Variants in PCDHGA9 observed in about 807,000 individuals in gnomAD.
PCDHGA9 encodes protocadherin gamma subfamily A, 9.
A neutral mutation model predicts 62.5 loss-of-function variants in PCDHGA9; 37 were observed. The observed-to-expected ratio is 0.59, with a 90% CI of 0.46 to 0.78. The LOEUF (loss-of-function observed/expected upper bound fraction) is 0.78, where lower values mean the gene tolerates loss of function less well. Ranked by LOEUF, PCDHGA9 falls within the 30% of genes least tolerant of loss-of-function variation. The pLI is 0.00. For missense variants in PCDHGA9, 1,138 were observed against 1,166.2 expected, an observed-to-expected ratio of 0.98 and a Z score of 0.35; for synonymous variants, 459 against 484.6, an observed-to-expected ratio of 0.95 and a Z score of 0.69.
At chr5:141,414,497 A>C (rs757597548) in intron 1 of PCDHGA9, 4 of 1,613,922 alleles carry the variant, frequency 2.5e-6, no homozygotes, top group Non-Finnish European at 3.4e-6. Context: ...ACGGAAGCTC[A>C]CTTTATGCTA....
chr5:141,424,232 C>A (rs182055138), intron 1 of PCDHGA9: 1 of 158,642 alleles, frequency 6.3e-6, no homozygotes, highest in East Asian at 1.9e-4. Context: ...TATTTTGATT[C>A]TTGGTGGCTG....
chr5:141,422,205 A>G (rs758255761), intron 1 of PCDHGA9: 2 of 1,562,218 alleles, frequency 1.3e-6, no homozygotes, highest in Non-Finnish European at 1.7e-6. Flanking sequence ...AAGATGGTGG[A>G]GGTCTCTTTA....
chr5:141,414,920 C>A (rs1222364302), intron 1 of PCDHGA9: 1 of 1,614,146 alleles, frequency 6.2e-7, no homozygotes, highest in South Asian at 1.1e-5. Flanking sequence ...GTGGAGCTGG[C>A]GCCCCGCTCC....
intron 1 of PCDHGA9, chr5:141,417,926 C>T (rs779409064): frequency 6.2e-7 from 1 of 1,610,108 alleles, no homozygotes; most frequent in East Asian, 2.2e-5. Context: ...TTTGCTGCTG[C>T]CTTTGTTCTA....
At chr5:141,457,631 G>C (rs540600166) in intron 1 of PCDHGA9, among the ~76,000 whole-genome samples, 1 of 152,282 alleles carries the variant, frequency 6.6e-6, no homozygotes, top group African/African-American at 2.4e-5. Flanking sequence ...TCTTATACTT[G>C]GCCTGATTAT....
rs980196319 is a variant in PCDHGA9 at position 141,511,604 on chromosome 5, A to C, written c.*431A>C. 3 of 248,420 alleles carry C rather than the reference A, an allele frequency of 1.2e-5. No individual in the cohort carries two copies. Among genetic ancestry groups the C allele is most frequent in the African/African-American group, 6.6e-5 (3 of 45,596 alleles). The allele number at this position is 248,420 out of a possible 1,614,324, so 15.4% of individuals were successfully genotyped here. Reference sequence around the variant, plus strand: ...GGTGTTGAAGTACCAAGTAACCTACAAGCCTCCTAGTTCTGAAAAGTTGGA... The same window carrying C: ...GGTGTTGAAGTACCAAGTAACCTACCAGCCTCCTAGTTCTGAAAAGTTGGA... On this transcript the variant is annotated 3_prime_UTR_variant, in exon 4 of 4. Coordinates refer to ENST00000573521, the MANE Select transcript of PCDHGA9 (RefSeq NM_018921.3).
chr5:141,453,791 A>G (rs979646024), intron 1 of PCDHGA9, among the ~76,000 whole-genome samples: 2 of 152,268 alleles, frequency 1.3e-5, no homozygotes, highest in African/African-American at 2.4e-5. Context: ...ATGGTATATT[A>G]ACTTTGAGTA....
chr5:141,473,894 T>C (rs1224416966), intron 1 of PCDHGA9, among the ~76,000 whole-genome samples: 1 of 152,134 alleles, frequency 6.6e-6, no homozygotes, highest in Non-Finnish European at 1.5e-5. Context: ...GTTCTGTTGG[T>C]TCATGAAGAG....
Position 141,419,438 on chromosome 5 carries a change from A to G in PCDHGA9, c.2424+14062A>G, listed in dbSNP as rs764801455. On this transcript the variant is annotated intron_variant, in intron 1 of 3. Coordinates refer to ENST00000573521, the MANE Select transcript of PCDHGA9 (RefSeq NM_018921.3). ...CGCCTTCGACCACGAGCAGCTGCGC[A>G]CCTTCGAGCTCACGCTGCAGGCCCG... 8 of 1,613,138 alleles carry G rather than the reference A, an allele frequency of 5.0e-6. No homozygotes were observed. The highest frequency in any genetic ancestry group is 4.4e-5 in the South Asian group (4 of 91,044).
chr5:141,500,937 C>G (rs910002814), intron 2 of PCDHGA9, among the ~76,000 whole-genome samples: 1 of 151,804 alleles, frequency 6.6e-6, no homozygotes, highest in Non-Finnish European at 1.5e-5. Context: ...GGCGCCATCT[C>G]GGCTCACTGC....
chr5:141,492,501 G>A (rs551410616), intron 1 of PCDHGA9, among the ~76,000 whole-genome samples: 8 of 152,302 alleles, frequency 5.3e-5, no homozygotes, highest in East Asian at 1.9e-4. Flanking sequence ...CGAGGACTCC[G>A]GAGCCTCCTC....
Position 141,508,665 on chromosome 5 carries a change from C to T in PCDHGA9, c.2573-2282C>T, listed in dbSNP as rs181641281. ...CGTCAGGCCCTTCCTGTCATTCTGT[C>T]TCTGCCTCCCTTCTCCCTGCTTCTC... On this transcript the variant is annotated intron_variant, in intron 3 of 3. Coordinates refer to ENST00000573521, the MANE Select transcript of PCDHGA9 (RefSeq NM_018921.3). Among the ~76,000 whole-genome samples the T allele has an allele frequency of 3.7e-3, 564 of 152,254 alleles. 5 individuals carry two copies. Among genetic ancestry groups the T allele is most frequent in the Admixed American group, 0.011 (164 of 15,296 alleles).
Position 141,402,959 on chromosome 5 carries a change from G to C in PCDHGA9, c.7G>C (p.Ala3Pro). 19 of 1,604,470 alleles carry C rather than the reference G, an allele frequency of 1.2e-5. No individual in the cohort carries two copies. Among genetic ancestry groups the C allele is most frequent in the Non-Finnish European group, 1.5e-5 (18 of 1,174,810 alleles). MA[A>P]PTKCQLRGRL... Reference sequence around the variant, plus strand: ...ATTCCAAAGCGAGGCAGCAATGGCAGCTCCAACCAAATGCCAGCTCCGCGG... The same window carrying C: ...ATTCCAAAGCGAGGCAGCAATGGCACCTCCAACCAAATGCCAGCTCCGCGG... Residue 3 changes from alanine (A) to proline (P), a missense_variant, in exon 1 of 4, where the codon GCT (alanine) becomes CCT (proline). Physicochemically the swap from Ala to Pro is conservative, Grantham distance 27. Transcript: ENST00000573521.
chr5:141,413,137 T>C, intron 1 of PCDHGA9: 1 of 1,550,612 alleles, frequency 6.4e-7, no homozygotes, highest in Non-Finnish European at 8.7e-7. Flanking sequence ...ACACAACGTG[T>C]CCAGTGAGGA....
In PCDHGA9 at chr5:141,490,706, T is replaced by C. The variant is rs777636562; in HGVS notation, c.2425-4101T>C. On this transcript the variant is annotated intron_variant, in intron 1 of 3. Coordinates refer to ENST00000573521, the MANE Select transcript of PCDHGA9 (RefSeq NM_018921.3). This position sits in a 1 kb window ranked among gnomAD's most constrained non-coding sequence, Gnocchi z 5.4. ...CCAGACACTGGGGATAATGCCCGCC[T>C]CACCTACTCCATTGTAGGAAATCAG... is the stretch of plus-strand genomic sequence containing the variant. The C allele has an allele frequency of 6.2e-7, 1 of 1,614,074 alleles. No homozygotes were observed. Among genetic ancestry groups the C allele is most frequent in the African/African-American group, 1.3e-5 (1 of 74,948 alleles).
chr5:141,491,980 C>T lies in PCDHGA9; in HGVS notation c.2425-2827C>T. ...AAAAAAGGCCGGGGCCTCCTTCGAG[C>T]TTCCGGTGAATTTCGGGCGATTTCC... On this transcript the variant is annotated intron_variant, in intron 1 of 3. Transcript: ENST00000573521. The surrounding 1 kb of genome is among the most constrained non-coding windows in gnomAD (Gnocchi z 6.9). The T allele has an allele frequency of 2.5e-6, 2 of 784,432 alleles. No individual in the cohort carries two copies. The highest frequency in any genetic ancestry group is 3.8e-6 in the Non-Finnish European group (2 of 530,588). 48.6% of individuals were successfully genotyped at this position (784,432 alleles called of 1,614,324 possible). A position where few individuals can be genotyped will look rare whatever the true frequency, so the allele number is the denominator to read the frequency against.
In PCDHGA9 at chr5:141,490,267, G is replaced by A. The variant is rs765238578; in HGVS notation, c.2425-4540G>A. ...TGTGATTCAAGTGGATGTGGGGGAT[G>A]TCAATGACAATGCCCCAGAGGTGCT... On this transcript the variant is annotated intron_variant, in intron 1 of 3. Transcript: ENST00000573521. The surrounding 1 kb of genome is among the most constrained non-coding windows in gnomAD (Gnocchi z 5.4). The A allele has an allele frequency of 6.2e-7, 1 of 1,614,242 alleles. No homozygotes were observed. The highest frequency in any genetic ancestry group is 1.1e-5 in the South Asian group (1 of 91,084).
intron 1 of PCDHGA9, chr5:141,423,675 T>C: frequency 1.3e-6 from 2 of 1,540,488 alleles, no homozygotes; most frequent in Non-Finnish European, 1.7e-6. Flanking sequence ...GATTTATTTC[T>C]CTGCCTCCTA....
chr5:141,423,877 C>A, intron 1 of PCDHGA9: 1 of 1,283,890 alleles, frequency 7.8e-7, no homozygotes, highest in Non-Finnish European at 9.9e-7. Flanking sequence ...ATTTTTCAAT[C>A]TTGGCATATT....
Sources: gnomAD v4.1 joint callset for allele counts (sites outside exome capture counted in the v4.1 genomes callset) on GRCh38, gnomAD v4.1.1 for gene constraint, Gnocchi (gnomAD v3.1) non-coding constraint, MANE v1.5 for transcripts, NCBI Gene and HGNC (gene_info 2026-07-23, HGNC 2026-07-21) for gene names.